The following DOP1B variants were observed in gnomAD, a reference collection of about 807,000 sequenced individuals.
DOP1B encodes the protein DOP1 leucine zipper like protein B, also known as protein DOP1B.
In DOP1B, 174 loss-of-function variants were observed where a neutral mutation model predicts 233.5. The ratio of observed to expected loss-of-function variants is 0.75; its 90% CI spans 0.66 to 0.85. The LOEUF (loss-of-function observed/expected upper bound fraction) is 0.85. Ranked by LOEUF, DOP1B falls within the 40% of genes least tolerant of loss-of-function variation. The pLI, the probability that DOP1B is intolerant of heterozygous loss-of-function variation, is 0.00. For synonymous variants in DOP1B, 1,190 were observed against 1,185.6 expected (o/e 1.00, Z -0.08); for missense variants, 2,652 against 2,846.6 (o/e 0.93, Z 1.56).
chr21:36,242,051 C>G (rs574345719), intron 18 of DOP1B, among the ~76,000 whole-genome samples: 48 of 152,016 alleles, frequency 3.2e-4, no homozygotes, highest in African/African-American at 9.6e-4. Context: ...AACAAAGAAC[C>G]TTCTTAAAAG....
chr21:36,278,438 A>T (rs1472454664), intron 30 of DOP1B, 83 bp downstream of exon 30: 1 of 1,449,976 alleles, frequency 6.9e-7, no homozygotes, highest in Non-Finnish European at 9.3e-7. Flanking sequence ...CTCATTCCTG[A>T]AATAGAAGCA....
At chr21:36,258,958 T>A (rs1269799703) in intron 23 of DOP1B, among the ~76,000 whole-genome samples, 1 of 149,548 alleles carries the variant, frequency 6.7e-6, no homozygotes, top group East Asian at 2.0e-4. Context: ...ATGGTCATCC[T>A]GTTGCCTTTC....
Position 36,246,733 on chromosome 21 carries a change from A to G in DOP1B, c.4697+56A>G. On this transcript the variant is annotated intron_variant, in intron 19 of 36. Transcript: ENST00000691173. This position sits in a 1 kb window ranked among gnomAD's most constrained non-coding sequence, Gnocchi z 5.1. ...GCTTTAGTGATGGTTTTTATAACGA[A>G]TGACTGTTTTGCCACGGATGTGGAT... is the stretch of plus-strand genomic sequence containing the variant. 6.4e-7 allele frequency: 1 copy of G among 1,551,318 alleles called. No individual in the cohort carries two copies. Among genetic ancestry groups the G allele is most frequent in the Non-Finnish European group, 8.7e-7 (1 of 1,144,704 alleles).
intron 26 of DOP1B, among the ~76,000 whole-genome samples, chr21:36,267,743 G>A (rs993175798): frequency 8.7e-5 from 13 of 149,844 alleles, no homozygotes; most frequent in Non-Finnish European, 5.9e-5. Context: ...AGAAATAAAG[G>A]GACACAGTAT....
intron 18 of DOP1B, among the ~76,000 whole-genome samples, chr21:36,243,279 T>C (rs1569045079): frequency 1.3e-5 from 2 of 151,924 alleles, no homozygotes; most frequent in African/African-American, 4.8e-5. Context: ...CATGCCCGGC[T>C]CATGGCATAG....
At chr21:36,217,815 T>G (rs2066577982) in intron 9 of DOP1B, among the ~76,000 whole-genome samples, 1 of 152,184 alleles carries the variant, frequency 6.6e-6, no homozygotes, top group Admixed American at 6.5e-5. Context: ...CTTATATAAA[T>G]GTATTGGGAG....
rs200203944 is a variant in DOP1B at position 36,245,799 on chromosome 21, G to A, written c.3819G>A (p.Ala1273=). The A allele has an allele frequency of 6.2e-5, 100 of 1,613,686 alleles. No individual in the cohort carries two copies. The highest frequency in any genetic ancestry group is 5.0e-5 in the Admixed American group (3 of 59,962). Residue 1273 remains alanine (A), a synonymous_variant, in exon 19 of 37, where the codon GCG becomes GCA. Transcript: ENST00000691173. The surrounding 1 kb of genome is among the most constrained non-coding windows in gnomAD (Gnocchi z 5.5). ...CTAGCATGGATACCAGCTCCACCGCGCACCTCAACCTCATCTCCAACCTCC... is the reference window on the plus strand; with the variant it reads ...CTAGCATGGATACCAGCTCCACCGCACACCTCAACCTCATCTCCAACCTCC... The part of the protein sequence containing the change: ...SRTSMDTSST[A]HLNLISNLLA...
chr21:36,226,814 G>A (rs1197849957), intron 12 of DOP1B, among the ~76,000 whole-genome samples: 3 of 152,068 alleles, frequency 2.0e-5, no homozygotes, highest in East Asian at 1.9e-4. Context: ...GGCTGGTCTC[G>A]AACTCCTGAG....
At chr21:36,178,326 A>G (rs1213628830) in intron 2 of DOP1B, among the ~76,000 whole-genome samples, 2 of 152,130 alleles carry the variant, frequency 1.3e-5, no homozygotes, top group Non-Finnish European at 2.9e-5. Flanking sequence ...CCCCATCTCT[A>G]CAAAAACAAA....
chr21:36,242,912 C>T (rs962196506), intron 18 of DOP1B, among the ~76,000 whole-genome samples: 4 of 151,650 alleles, frequency 2.6e-5, no homozygotes, highest in Non-Finnish European at 5.9e-5. Context: ...TTTTTTAAAG[C>T]TCTTTTGTGT....
chr21:36,291,186 C>T (rs938515329), intron 35 of DOP1B, among the ~76,000 whole-genome samples: 7 of 150,290 alleles, frequency 4.7e-5, no homozygotes, highest in Admixed American at 3.3e-4. Flanking sequence ...CGCTTGAAAC[C>T]GAAGGCGGAG....
chr21:36,250,432 A>G (rs2067019224), intron 21 of DOP1B, among the ~76,000 whole-genome samples: 2 of 152,122 alleles, frequency 1.3e-5, no homozygotes, highest in Admixed American at 1.3e-4. Context: ...CTTCAAAGAA[A>G]CACAGGGTTT....
At chr21:36,209,144 C>CG (rs1471638452) in intron 5 of DOP1B, among the ~76,000 whole-genome samples, 1 of 152,146 alleles carries the variant, frequency 6.6e-6, no homozygotes, top group African/African-American at 2.4e-5. Flanking sequence ...TGTTTTGAGA[C>CG]GGAGTCTCGC....
chr21:36,160,118 A>G (rs1344048120), intron 1 of DOP1B, among the ~76,000 whole-genome samples: 1 of 145,082 alleles, frequency 6.9e-6, no homozygotes, highest in African/African-American at 2.5e-5. Context: ...TTCAGAACTG[A>G]ATTTTCTGGA....
Position 36,245,171 on chromosome 21 carries a change from G to C in DOP1B, c.3191G>C (p.Arg1064Pro). ...CTGAGCCAGTTCACCACAGTGGACC[G>C]TGAAGCCATTTGGGCCGAAGTGGAG... is the stretch of plus-strand genomic sequence containing the variant. The part of the protein sequence containing the change: ...LPLSQFTTVD[R>P]EAIWAEVEKE... Residue 1064 changes from arginine to proline, a missense_variant, in exon 19 of 37, where the codon CGT becomes CCT. Coordinates refer to ENST00000691173, the MANE Select transcript of DOP1B (RefSeq NM_001320714.2). The surrounding 1 kb of genome is among the most constrained non-coding windows in gnomAD (Gnocchi z 5.5). 2 of 1,614,000 alleles carry C rather than the reference G, an allele frequency of 1.2e-6. No homozygotes were observed. Among genetic ancestry groups the C allele is most frequent in the Non-Finnish European group, 1.7e-6 (2 of 1,180,020 alleles).
intron 2 of DOP1B, among the ~76,000 whole-genome samples, chr21:36,171,470 G>T (rs2065971246): frequency 6.6e-6 from 1 of 152,148 alleles, no homozygotes; most frequent in Non-Finnish European, 1.5e-5. Context: ...AGCTAATCGA[G>T]CTAGAGGAGG....
intron 26 of DOP1B, among the ~76,000 whole-genome samples, chr21:36,264,490 G>T (rs1433114909): frequency 6.6e-6 from 1 of 151,132 alleles, no homozygotes; most frequent in Non-Finnish European, 1.5e-5. Context: ...GGGCCAGGGG[G>T]TTGGACAGAA....
chr21:36,239,676 T>G (rs2066869865), intron 17 of DOP1B, 89 bp from the exon 18 acceptor site: 1 of 1,400,182 alleles, frequency 7.1e-7, no homozygotes, highest in African/African-American at 1.5e-5. Flanking sequence ...GTACCTGTGT[T>G]GGGTGACGCC....
At chr21:36,290,162 A>C (rs1177632841) in intron 35 of DOP1B, among the ~76,000 whole-genome samples, 1 of 152,218 alleles carries the variant, frequency 6.6e-6, no homozygotes, top group Admixed American at 6.5e-5. Context: ...GATGTACGGG[A>C]ACTACTTTCT....
Sources: gnomAD v4.1 joint callset for allele counts (sites outside exome capture counted in the v4.1 genomes callset) on GRCh38, gnomAD v4.1.1 for gene constraint, Gnocchi (gnomAD v3.1) non-coding constraint, MANE v1.5 for transcripts, NCBI Gene and HGNC (gene_info 2026-07-23, HGNC 2026-07-21) for gene names.